Variants in RYR2 observed in about 807,000 individuals in gnomAD.
RYR2 encodes ryanodine receptor 2.
RYR2 carries 227 observed loss-of-function variants against 601.1 expected under a neutral mutation model. The ratio of observed to expected loss-of-function variants is 0.38; its 90% CI spans 0.34 to 0.42. The LOEUF is 0.42. Among genes scored for constraint, RYR2 ranks in the 10% least tolerant of loss-of-function variants. The probability of loss-of-function intolerance (pLI) is 1.00; values close to 1 mark genes in which losing one functional copy is unlikely to be tolerated. For synonymous variants in RYR2, 2,223 were observed against 2,175.1 expected (o/e 1.02, Z -0.61); for missense variants, 4,646 against 6,156.5 (o/e 0.75, Z 8.21).
intron 2 of RYR2, among the ~76,000 whole-genome samples, chr1:237,326,145 A>G (rs548637357): frequency 6.6e-6 from 1 of 152,170 alleles, no homozygotes; most frequent in Non-Finnish European, 1.5e-5. Context: ...AACCTAATTG[A>G]TTTTTACATA....
chr1:237,397,583 C>T (rs1257189258), intron 10 of RYR2, among the ~76,000 whole-genome samples: 1 of 152,170 alleles, frequency 6.6e-6, no homozygotes, highest in Non-Finnish European at 1.5e-5. Context: ...AGGAGCAATG[C>T]TTTGCCTAAA....
At chr1:237,801,823 A>C (rs575503084) in intron 97 of RYR2, 33 bp from the exon 98 acceptor site, 1 of 1,436,498 alleles carries the variant, frequency 7.0e-7, no homozygotes, top group Admixed American at 1.8e-5. Flanking sequence ...GTTAATGTGC[A>C]TAACTACGCA....
chr1:237,559,338 A>G (rs955322806), intron 27 of RYR2, among the ~76,000 whole-genome samples: 3 of 152,048 alleles, frequency 2.0e-5, no homozygotes, highest in African/African-American at 4.8e-5. Flanking sequence ...CGGCCCCTCA[A>G]TCATAGTGAA....
chr1:237,508,964 G>A (rs1311543821), intron 23 of RYR2, among the ~76,000 whole-genome samples: 1 of 151,702 alleles, frequency 6.6e-6, no homozygotes, highest in East Asian at 1.9e-4. Context: ...GGATGGTTTC[G>A]ATCTCCTGAC....
chr1:237,365,966 C>T (rs1360729788), intron 5 of RYR2, among the ~76,000 whole-genome samples: 2 of 152,222 alleles, frequency 1.3e-5, no homozygotes, highest in African/African-American at 4.8e-5. Flanking sequence ...GTTATTTTCA[C>T]ACTTGCAATG....
intron 1 of RYR2, among the ~76,000 whole-genome samples, chr1:237,263,071 T>C (rs1221958996): frequency 2.0e-5 from 3 of 152,162 alleles, no homozygotes; most frequent in Non-Finnish European, 4.4e-5. Flanking sequence ...GGGTTTTATA[T>C]TGAGGCTGTG....
intron 12 of RYR2, among the ~76,000 whole-genome samples, chr1:237,436,852 T>C (rs1421195555): frequency 6.7e-6 from 1 of 149,738 alleles, no homozygotes; most frequent in Non-Finnish European, 1.5e-5. Context: ...TTTTAGTCTT[T>C]TACTGAGTCT....
intron 10 of RYR2, among the ~76,000 whole-genome samples, chr1:237,412,170 A>G (rs1444446944): frequency 6.6e-6 from 1 of 152,026 alleles, no homozygotes; most frequent in Non-Finnish European, 1.5e-5. Flanking sequence ...CTGAGATAAG[A>G]CTCAAATTGT....
At chr1:237,454,255 A>G (rs979861688) in intron 14 of RYR2, 136 bp from the exon 15 acceptor site, 2 of 813,274 alleles carry the variant, frequency 2.5e-6, no homozygotes, top group South Asian at 2.2e-5. Flanking sequence ...CTGCTTTTGG[A>G]GCAGGAGGAC....
intron 100 of RYR2, among the ~76,000 whole-genome samples, chr1:237,815,233 T>A (rs892730471): frequency 1.3e-5 from 2 of 152,188 alleles, no homozygotes; most frequent in African/African-American, 4.8e-5. Context: ...CAGCATTACT[T>A]CTTTCCACCT....
intron 2 of RYR2, among the ~76,000 whole-genome samples, chr1:237,302,190 G>C (rs16835125): frequency 0.031 from 4,677 of 152,052 alleles, 155 homozygotes; most frequent in African/African-American, 0.081. Flanking sequence ...CCACTCAAAA[G>C]CTTTTCTGTT....
At chr1:237,312,893 A>G (rs1241266913) in intron 2 of RYR2, among the ~76,000 whole-genome samples, 16 of 152,202 alleles carry the variant, frequency 1.1e-4, no homozygotes, top group Admixed American at 1.3e-4. Context: ...TTGTGTCTAT[A>G]CATTTTTGTA....
intron 35 of RYR2, among the ~76,000 whole-genome samples, chr1:237,604,913 C>A (rs10925470): frequency 0.35 from 52,658 of 151,610 alleles, 10,953 homozygotes; most frequent in Admixed American, 0.48. Flanking sequence ...CAGGCTCTGA[C>A]ATTGAGGCAA....
At chr1:237,425,188 A>T (rs974913639) in intron 12 of RYR2, among the ~76,000 whole-genome samples, 2 of 152,202 alleles carry the variant, frequency 1.3e-5, no homozygotes, top group African/African-American at 4.8e-5. Context: ...AATACAAAAA[A>T]AAGTAGGAGT....
At chr1:237,787,394 C>T (rs1444297548) in intron 91 of RYR2, among the ~76,000 whole-genome samples, 1 of 151,792 alleles carries the variant, frequency 6.6e-6, no homozygotes, top group Non-Finnish European at 1.5e-5. Flanking sequence ...TCAAGACCAG[C>T]CTGGCCAACA....
chr1:237,486,234 C>A (rs1662671711), intron 17 of RYR2, among the ~76,000 whole-genome samples: 2 of 152,284 alleles, frequency 1.3e-5, no homozygotes, highest in South Asian at 4.1e-4. Flanking sequence ...TACTTAGAGA[C>A]ATTCTCATTG....
chr1:237,622,983 C>A (rs1372881894), intron 38 of RYR2, among the ~76,000 whole-genome samples: 1 of 152,134 alleles, frequency 6.6e-6, no homozygotes, highest in Admixed American at 6.5e-5. Flanking sequence ...TGTTACTTTT[C>A]AATTATATTT....
chr1:237,249,298 T>C (rs1441063894), intron 1 of RYR2, among the ~76,000 whole-genome samples: 1 of 152,184 alleles, frequency 6.6e-6, no homozygotes, highest in Non-Finnish European at 1.5e-5. Flanking sequence ...CTGTCTGTCT[T>C]CCATGAGTCA....
chr1:237,396,283 A>C (rs1702851106), intron 10 of RYR2, among the ~76,000 whole-genome samples: 1 of 152,220 alleles, frequency 6.6e-6, no homozygotes. Context: ...TGCTTGGCTA[A>C]GTCATCTATA....
Sources: gnomAD v4.1 joint callset for allele counts (sites outside exome capture counted in the v4.1 genomes callset) on GRCh38, gnomAD v4.1.1 for gene constraint, MANE v1.5 for transcripts, NCBI Gene and HGNC (gene_info 2026-07-23, HGNC 2026-07-21) for gene names.